ANKRD27: variants seen among roughly 807,000 people sequenced by gnomAD.
ANKRD27 encodes ankyrin repeat domain-containing protein 27.
A neutral mutation model predicts 129.7 loss-of-function variants in ANKRD27; 112 were observed. That is an observed-to-expected ratio of 0.86 (90% CI 0.74 to 1.01). The LOEUF is 1.01. Ranked by LOEUF, ANKRD27 falls within the 50% of genes least tolerant of loss-of-function variation. The pLI is 0.00. For synonymous variants in ANKRD27, 516 were observed against 511.2 expected, an observed-to-expected ratio of 1.01 and a Z score of -0.13; for missense variants, 1,258 against 1,300.5, an observed-to-expected ratio of 0.97 and a Z score of 0.50.
chr19:32,625,523 C>T (rs1972075620), intron 17 of ANKRD27, among the ~76,000 whole-genome samples: 1 of 151,488 alleles, frequency 6.6e-6, no homozygotes, highest in Admixed American at 6.6e-5. Context: ...CTCCACCTCC[C>T]AGGTTCAACT....
In ANKRD27 at chr19:32,619,565, AGG is replaced by A; in HGVS notation, c.1828-14_1828-13del. ...ATTACAGACAGAATCTAGGGGGACA[AGG>A]GGGATGCCAACAGTACCCCGTGAGA... On this transcript the variant is annotated splice_polypyrimidine_tract_variant and intron_variant, in intron 18 of 28. Coordinates refer to ENST00000306065, the MANE Select transcript of ANKRD27 (RefSeq NM_032139.3). The A allele has an allele frequency of 6.2e-7, 1 of 1,614,040 alleles. No individual in the cohort carries two copies. Among genetic ancestry groups the A allele is most frequent in the South Asian group, 1.1e-5 (1 of 91,078 alleles).
chr19:32,664,862 G>T (rs1010411839), intron 1 of ANKRD27, among the ~76,000 whole-genome samples: 2 of 142,658 alleles, frequency 1.4e-5, no homozygotes, highest in Admixed American at 7.3e-5. Context: ...AGAGACTCCA[G>T]TGAGCTGAGA....
intron 1 of ANKRD27, among the ~76,000 whole-genome samples, chr19:32,659,904 A>C (rs978841598): frequency 8.6e-5 from 13 of 151,558 alleles, no homozygotes; most frequent in African/African-American, 2.4e-4. Flanking sequence ...ATTTATCTAC[A>C]AAAAAAACCA....
At position 32,634,577 on chromosome 19, in the gene ANKRD27, C is replaced by A. The variant is rs17760196; in HGVS notation, c.1117-3083G>T. 0.017 allele frequency among the ~76,000 whole-genome samples: 2,606 copies of A among 152,262 alleles called. 136 individuals are homozygous for A. The East Asian group carries it at 0.21, about 12-fold the overall frequency. On this transcript the variant is annotated intron_variant, in intron 12 of 28. Coordinates refer to ENST00000306065, the MANE Select transcript of ANKRD27 (RefSeq NM_032139.3). ...TATCCTTAGGGGCATCCTTACACCC[C>A]AGATGCAGAGACAAACAGACATGCC...
intron 18 of ANKRD27, among the ~76,000 whole-genome samples, chr19:32,621,501 A>C (rs8107197): frequency 1.3e-5 from 2 of 151,878 alleles, no homozygotes; most frequent in African/African-American, 4.8e-5. Flanking sequence ...GGTGGTGGGC[A>C]CCTGTAATCC....
chr19:32,640,434 C>T, intron 10 of ANKRD27, 49 bp from the exon 11 acceptor site: 1 of 1,505,146 alleles, frequency 6.6e-7, no homozygotes, highest in South Asian at 1.1e-5. Flanking sequence ...TTCAAATGGA[C>T]TGACAAGCAT....
chr19:32,643,047 C>T (rs78890012), intron 9 of ANKRD27, 76 bp downstream of exon 9: 18 of 1,451,996 alleles, frequency 1.2e-5, no homozygotes, highest in African/African-American at 5.6e-5. Flanking sequence ...CCTCTGCCAC[C>T]GAGAGGGCCT....
chr19:32,675,048 G>A (rs1967959184), intron 1 of ANKRD27, 23 bp downstream of exon 1: 2 of 152,262 alleles, frequency 1.3e-5, no homozygotes, highest in Admixed American at 1.3e-4. Context: ...GGCGCAGGAG[G>A]AGGCCAGCGC....
chr19:32,648,668 C>T (rs1212384964), intron 3 of ANKRD27, among the ~76,000 whole-genome samples: 4 of 151,884 alleles, frequency 2.6e-5, no homozygotes, highest in African/African-American at 9.7e-5. Context: ...GGCATGGTGG[C>T]GGGTGCCCGT....
chr19:32,652,586 T>G (rs1967438921), intron 2 of ANKRD27, among the ~76,000 whole-genome samples: 1 of 147,372 alleles, frequency 6.8e-6, no homozygotes, highest in African/African-American at 2.5e-5. Context: ...GGGGGTAGGG[T>G]GTGGGGTTGG....
intron 18 of ANKRD27, among the ~76,000 whole-genome samples, chr19:32,620,922 G>T (rs964440310): frequency 7.1e-6 from 1 of 141,416 alleles, no homozygotes. Flanking sequence ...GAGAACAGAA[G>T]TAAACTTTTG....
At position 32,650,191 on chromosome 19, in the gene ANKRD27, G is replaced by A. The variant is rs936719636; in HGVS notation, c.103-399C>T. On this transcript the variant is annotated intron_variant, in intron 2 of 28. Transcript: ENST00000306065. ...CAGGGGCTCAGGGACAAGCCCAGATGAAGAGAGGAGCATTTGGAAAGTACA... is the reference window on the plus strand; with the variant it reads ...CAGGGGCTCAGGGACAAGCCCAGATAAAGAGAGGAGCATTTGGAAAGTACA... Among the ~76,000 whole-genome samples the A allele has an allele frequency of 2.0e-5, 3 of 152,198 alleles. No individual in the cohort carries two copies. The East Asian group carries it at 5.8e-4, about 29-fold the overall frequency.
chr19:32,627,237 C>T (rs890141829), intron 15 of ANKRD27, among the ~76,000 whole-genome samples: 4 of 152,042 alleles, frequency 2.6e-5, no homozygotes, highest in African/African-American at 9.7e-5. Context: ...ACACTTTATG[C>T]GTCCACACAT....
At chr19:32,656,407 G>A (rs769633085) in intron 2 of ANKRD27, among the ~76,000 whole-genome samples, 7 of 152,152 alleles carry the variant, frequency 4.6e-5, no homozygotes, top group Admixed American at 1.3e-4. Flanking sequence ...TTTCCTCTGC[G>A]ACACTCACCA....
At chr19:32,626,629 GCCAGCATGACCGTACAGTCA>G in intron 16 of ANKRD27, 63 bp downstream of exon 16, 1 of 1,043,714 alleles carries the variant, frequency 9.6e-7, no homozygotes, top group Non-Finnish European at 1.4e-6. Context: ...GTGCAGGGTA[GCCAGCATGACCGTACAGTCA>G]CCACGCAGAA....
Position 32,646,486 on chromosome 19 carries a change from G to A in ANKRD27, c.343C>T (p.His115Tyr), listed in dbSNP as rs774188667. 12 of 1,613,196 alleles carry A rather than the reference G, an allele frequency of 7.4e-6. No individual in the cohort carries two copies. Among genetic ancestry groups the A allele is most frequent in the Non-Finnish European group, 1.0e-5 (12 of 1,179,698 alleles). ...GAACTCTCTCTCTTTTCCAAAGGAT[G>A]GGCTATACACAGGATGCTGAAACTC... ...EESFSILCIA[H>Y]PLEKRESSEE... is the part of the protein sequence containing the mutation. Residue 115 changes from histidine to tyrosine, a missense_variant, in exon 4 of 29, where the codon CAT becomes TAT. Transcript: ENST00000306065.
At position 32,628,864 on chromosome 19, in the gene ANKRD27, C is replaced by T. The variant is rs374070042; in HGVS notation, c.1210-15G>A. 149 of 1,613,614 alleles carry T rather than the reference C, an allele frequency of 9.2e-5. No individual in the cohort carries two copies. Among genetic ancestry groups the T allele is most frequent in the Non-Finnish European group, 1.2e-4 (146 of 1,179,820 alleles). On this transcript the variant is annotated splice_polypyrimidine_tract_variant and intron_variant, in intron 13 of 28. Transcript: ENST00000306065. ...GATGCAATGTGCTGAAAAGTGACAT[C>T]CAAGATGCTATCCACATGCTGGAAT...
At chr19:32,628,347 T>C (rs1446070319) in intron 14 of ANKRD27, among the ~76,000 whole-genome samples, 182 bp from the exon 15 acceptor site, 1 of 152,184 alleles carries the variant, frequency 6.6e-6, no homozygotes, top group Non-Finnish European at 1.5e-5. Context: ...CACCTGGCCC[T>C]GGAGTCTCTC....
rs35422369 is a variant in ANKRD27 at position 32,641,764 on chromosome 19, C to CTTTT, written c.904+259_904+260insAAAA. Among the ~76,000 whole-genome samples the CTTTT allele has an allele frequency of 2.4e-4, 19 of 79,722 alleles. 4 individuals carry two copies. Among genetic ancestry groups the CTTTT allele is most frequent in the Non-Finnish European group, 2.1e-4 (9 of 43,284 alleles). The allele number at this position is 79,722 out of a possible 152,430, so 52.3% of individuals were successfully genotyped here. On this transcript the variant is annotated intron_variant, in intron 10 of 28. Coordinates refer to ENST00000306065, the MANE Select transcript of ANKRD27 (RefSeq NM_032139.3). The stretch of plus-strand genomic sequence containing the variant: ...TTTCTTGACTTGTTTTCTTTTACTT[C>CTTTT]TTCTTTTTTTTTTTTTTTTTTGAGA...
Sources: allele counts gnomAD v4.1 joint callset (sites outside exome capture counted in the v4.1 genomes callset), GRCh38; gene constraint gnomAD v4.1.1; transcripts MANE v1.5; gene names NCBI Gene and HGNC (gene_info 2026-07-23, HGNC 2026-07-21).